Variants in ADAMTS17 observed in about 807,000 individuals in gnomAD.
ADAMTS17 encodes A disintegrin and metalloproteinase with thrombospondin motifs 17.
Under a neutral mutation model 141.5 loss-of-function variants are expected in ADAMTS17, and 113 were observed. That is an observed-to-expected ratio of 0.80 (90% CI 0.69 to 0.93). The LOEUF (loss-of-function observed/expected upper bound fraction) is 0.93, where lower values mean the gene tolerates loss of function less well. Among genes scored for constraint, ADAMTS17 ranks in the 40% least tolerant of loss-of-function variants. The pLI, the probability that ADAMTS17 is intolerant of heterozygous loss-of-function variation, is 0.00. For synonymous variants in ADAMTS17, 768 were observed against 630.6 expected (o/e 1.22, Z -3.27); for missense variants, 1,659 against 1,517.9 (o/e 1.09, Z -1.54).
chr15:100,252,453 C>T (rs1035655513), intron 7 of ADAMTS17, among the ~76,000 whole-genome samples: 9 of 152,156 alleles, frequency 5.9e-5, no homozygotes, highest in Non-Finnish European at 8.8e-5. Flanking sequence ...AAGCGCCACA[C>T]GATTGAGAGA....
intron 20 of ADAMTS17, among the ~76,000 whole-genome samples, chr15:99,992,469 T>C (rs2041556166): frequency 6.6e-6 from 1 of 152,212 alleles, no homozygotes; most frequent in African/African-American, 2.4e-5. Flanking sequence ...CATTCAAATA[T>C]ATCAGATGAA....
rs117643168 is a variant in ADAMTS17, at chr15:100,075,800, G to A, written c.2137+20556C>T. 1.2e-3 allele frequency among the ~76,000 whole-genome samples: 177 copies of A among 152,136 alleles called. 2 individuals carry two copies. The highest frequency in any genetic ancestry group is 1.9e-3 in the Non-Finnish European group (132 of 67,988). On this transcript the variant is annotated intron_variant, in intron 15 of 21. Coordinates refer to ENST00000268070, the MANE Select transcript of ADAMTS17 (RefSeq NM_139057.4). ...TTGATCTTTTATCCTGGGACTTTTTGTTTATTTCCATTTTCCACTGCTGTT... is the reference window on the plus strand; with the variant it reads ...TTGATCTTTTATCCTGGGACTTTTTATTTATTTCCATTTTCCACTGCTGTT...
chr15:100,121,329 A>T (rs1005576621), intron 12 of ADAMTS17, among the ~76,000 whole-genome samples: 1 of 152,224 alleles, frequency 6.6e-6, no homozygotes, highest in Non-Finnish European at 1.5e-5. Context: ...GTAAAGAAAG[A>T]TGTGACTCTA....
chr15:100,177,068 T>C (rs188169198), intron 8 of ADAMTS17, among the ~76,000 whole-genome samples: 151 of 152,364 alleles, frequency 9.9e-4, no homozygotes, highest in East Asian at 4.2e-3. Flanking sequence ...ATAGAGTTGT[T>C]ATGAATATTC....
intron 18 of ADAMTS17, among the ~76,000 whole-genome samples, chr15:100,012,189 CTTCTT>C (rs1364216678): frequency 6.6e-6 from 1 of 152,148 alleles, no homozygotes; most frequent in Non-Finnish European, 1.5e-5. Context: ...TTTTGTATAT[CTTCTT>C]TTGAGAACTG....
At position 99,974,578 on chromosome 15, in the gene ADAMTS17, A is replaced by G. The variant is rs113885511; in HGVS notation, c.3128-16T>C. 2.3e-5 allele frequency: 37 copies of G among 1,614,102 alleles called. 1 individual carries two copies. In the African/African-American group the frequency reaches 3.2e-4, roughly 14 times the overall value. On this transcript the variant is annotated splice_polypyrimidine_tract_variant and intron_variant, in intron 21 of 21. Coordinates refer to ENST00000268070, the MANE Select transcript of ADAMTS17 (RefSeq NM_139057.4). ...GTCAGAGCAGCTAAGGGGATAGGAG[A>G]GAGAATACCCAGGGTCAGGGATGGC...
intron 18 of ADAMTS17, among the ~76,000 whole-genome samples, chr15:100,030,971 G>A (rs1195496635): frequency 5.3e-5 from 8 of 152,236 alleles, no homozygotes; most frequent in African/African-American, 1.9e-4. Flanking sequence ...ATATAGTTTT[G>A]TAGTTGAGCA....
intron 14 of ADAMTS17, among the ~76,000 whole-genome samples, chr15:100,103,523 T>C (rs1006530093): frequency 5.9e-5 from 9 of 152,092 alleles, no homozygotes; most frequent in Admixed American, 2.6e-4. Context: ...GGGCTCCAGA[T>C]TCCAGAACCA....
intron 10 of ADAMTS17, among the ~76,000 whole-genome samples, chr15:100,143,267 C>T (rs775513184): frequency 1.6e-4 from 24 of 152,194 alleles, no homozygotes; most frequent in Non-Finnish European, 3.5e-4. Context: ...TTCCTTGCAG[C>T]TGACAGCGCC....
At chr15:100,267,442 G>A (rs1279195762) in intron 4 of ADAMTS17, among the ~76,000 whole-genome samples, 1 of 152,056 alleles carries the variant, frequency 6.6e-6, no homozygotes, top group Non-Finnish European at 1.5e-5. Flanking sequence ...TGTGAACACG[G>A]GTGTACAGAT....
intron 15 of ADAMTS17, among the ~76,000 whole-genome samples, chr15:100,078,270 G>T (rs772603666): frequency 6.7e-6 from 1 of 150,064 alleles, no homozygotes; most frequent in African/African-American, 2.4e-5. Context: ...AGATGAAAAT[G>T]CAACAGACCC....
chr15:100,096,718 T>TGGA lies in ADAMTS17; in HGVS notation c.2017-245_2017-243dup, dbSNP rs10692769. 0.98 allele frequency among the ~76,000 whole-genome samples: 148,989 copies of TGGA among 152,284 alleles called. 72,905 individuals are homozygous for TGGA. The highest frequency in any genetic ancestry group is 0.99 in the Middle Eastern group (292 of 294). The stretch of plus-strand genomic sequence containing the variant: ...AAAGTCTATTTTTTGGTATTTGTTC[T>TGGA]GGAGGGAGATCCATGAAGGCACAAG... On this transcript the variant is annotated intron_variant, in intron 14 of 21. Transcript: ENST00000268070.
chr15:100,159,199 G>A (rs1215010807), intron 8 of ADAMTS17, among the ~76,000 whole-genome samples: 1 of 152,156 alleles, frequency 6.6e-6, no homozygotes, highest in Admixed American at 6.5e-5. Context: ...ATTCACAATA[G>A]CCAAGATATG....
At chr15:100,220,658 T>C (rs2141781664) in intron 7 of ADAMTS17, among the ~76,000 whole-genome samples, 1 of 152,314 alleles carries the variant, frequency 6.6e-6, no homozygotes, top group Non-Finnish European at 1.5e-5. Context: ...TGATGAAAGA[T>C]GTGAGATCAC....
chr15:100,260,331 T>G (rs931271361), intron 6 of ADAMTS17, among the ~76,000 whole-genome samples: 10 of 152,018 alleles, frequency 6.6e-5, no homozygotes, highest in Non-Finnish European at 1.2e-4. Flanking sequence ...TCTTTGTGGA[T>G]GGCCAGGCGT....
chr15:100,032,442 C>G (rs768126854), intron 18 of ADAMTS17, among the ~76,000 whole-genome samples: 5 of 152,194 alleles, frequency 3.3e-5, no homozygotes, highest in Non-Finnish European at 5.9e-5. Flanking sequence ...AGCCAGAAAA[C>G]CAACTAACTA....
chr15:100,099,742 G>A (rs996533472), intron 14 of ADAMTS17, among the ~76,000 whole-genome samples: 2 of 141,150 alleles, frequency 1.4e-5, no homozygotes, highest in Non-Finnish European at 3.1e-5. Flanking sequence ...GCATGGGATG[G>A]TATGAGATGG....
intron 7 of ADAMTS17, among the ~76,000 whole-genome samples, chr15:100,211,776 A>G (rs926567581): frequency 6.6e-6 from 1 of 152,252 alleles, no homozygotes; most frequent in Non-Finnish European, 1.5e-5. Flanking sequence ...GAAATGAGAA[A>G]TAAAATCACA....
intron 14 of ADAMTS17, among the ~76,000 whole-genome samples, chr15:100,107,892 C>G (rs1314346113): frequency 6.6e-6 from 1 of 152,102 alleles, no homozygotes; most frequent in Admixed American, 6.5e-5. Flanking sequence ...TGCTGGGGCT[C>G]TCTCACAACA....
Sources: allele counts gnomAD v4.1 joint callset (sites outside exome capture counted in the v4.1 genomes callset), GRCh38; gene constraint gnomAD v4.1.1; transcripts MANE v1.5; gene names NCBI Gene and HGNC (gene_info 2026-07-23, HGNC 2026-07-21).